The following CCDC73 variants were observed in gnomAD, a reference collection of about 807,000 sequenced individuals.
CCDC73 encodes the protein coiled-coil domain containing 73.
Under a neutral mutation model 116.5 loss-of-function variants are expected in CCDC73, and 95 were observed. The observed-to-expected ratio is 0.82, with a 90% confidence interval of 0.69 to 0.97. The LOEUF is 0.97. CCDC73 is among the 50% of genes least tolerant of loss of function. CCDC73 has a pLI of 0.00. For missense variants in CCDC73, 1,066 were observed against 1,206.8 expected, an observed-to-expected ratio of 0.88 and a Z score of 1.73; for synonymous variants, 398 against 401.3, an observed-to-expected ratio of 0.99 and a Z score of 0.10.
At chr11:32,824,901 T>C in the CCDC73 span, among the ~76,000 whole-genome samples, 1 of 152,122 alleles carries the variant, frequency 6.6e-6, no homozygotes, top group South Asian at 2.1e-4. Context: ...CTGAGCAACA[T>C]GGCAAAACCC....
intron 1 of CCDC73, among the ~76,000 whole-genome samples, chr11:32,792,940 G>A (rs1850690000): frequency 6.6e-6 from 1 of 152,116 alleles, no homozygotes; most frequent in South Asian, 2.1e-4. Context: ...CCAGCCCCTG[G>A]CGTGTAATAA....
intron 9 of CCDC73, among the ~76,000 whole-genome samples, chr11:32,661,939 G>A (rs1855932695): frequency 6.6e-6 from 1 of 151,190 alleles, no homozygotes; most frequent in Admixed American, 6.6e-5. Flanking sequence ...GCAGTGTTTG[G>A]TTTTTTGTCC....
In CCDC73 at chr11:32,698,709, T is replaced by C. The variant is rs1023826231; in HGVS notation, c.390+542A>G. Among the ~76,000 whole-genome samples the C allele has an allele frequency of 1.4e-4, 21 of 152,240 alleles. 1 individual carries two copies. Among genetic ancestry groups the C allele is most frequent in the Non-Finnish European group, 2.2e-4 (15 of 68,036 alleles). On this transcript the variant is annotated intron_variant, in intron 6 of 17. Transcript: ENST00000335185. Reference sequence around the variant, plus strand: ...GACTAAGCTTCACAAGGGCAGAGATTTTTGTCTTGTTTATCATTGCTGTAT... The same window carrying C: ...GACTAAGCTTCACAAGGGCAGAGATCTTTGTCTTGTTTATCATTGCTGTAT...
intron 2 of CCDC73, among the ~76,000 whole-genome samples, chr11:32,759,416 C>A (rs1257460253): frequency 6.6e-6 from 1 of 151,164 alleles, no homozygotes; most frequent in Non-Finnish European, 1.5e-5. Flanking sequence ...CTGCAACCTC[C>A]ACCTCCTGGG....
chr11:32,830,585 C>T, the CCDC73 span: 6 of 1,612,232 alleles, frequency 3.7e-6, no homozygotes, highest in African/African-American at 1.3e-5. Flanking sequence ...CTGGGGTTTC[C>T]TCATTGCGCA....
chr11:32,698,349 C>G (rs1249839512), intron 6 of CCDC73, among the ~76,000 whole-genome samples: 3 of 152,052 alleles, frequency 2.0e-5, no homozygotes, highest in Admixed American at 2.0e-4. Flanking sequence ...TTGAGTCCAG[C>G]CTAGATGTCT....
At chr11:32,615,617 C>T (rs1337886488) in intron 15 of CCDC73, among the ~76,000 whole-genome samples, 1 of 152,122 alleles carries the variant, frequency 6.6e-6, no homozygotes, top group African/African-American at 2.4e-5. Context: ...ACATCTCCAC[C>T]AAGTGGTTGT....
At chr11:32,723,593 A>G (rs1850008064) in intron 2 of CCDC73, among the ~76,000 whole-genome samples, 1 of 152,182 alleles carries the variant, frequency 6.6e-6, no homozygotes, top group African/African-American at 2.4e-5. Flanking sequence ...AGGGTCAAGA[A>G]TTGAAGAGGC....
rs1850532941 is a variant in CCDC73, at chr11:32,776,432, A to C, written c.-15-16174T>G. Among the ~76,000 whole-genome samples, 3 of 152,052 alleles carry C rather than the reference A, an allele frequency of 2.0e-5. No homozygotes were observed. In the South Asian group the frequency reaches 6.2e-4, roughly 32 times the overall value. ...TCAGGGTTCCCCACTTTCTAGTTTC[A>C]TCCCCCTTTTCAACTTTAATCTTCT... On this transcript the variant is annotated intron_variant, in intron 1 of 17. Coordinates refer to ENST00000335185, the MANE Select transcript of CCDC73 (RefSeq NM_001008391.4).
chr11:32,723,021 T>C (rs1182213279), intron 2 of CCDC73, among the ~76,000 whole-genome samples: 2 of 152,144 alleles, frequency 1.3e-5, no homozygotes, highest in Admixed American at 6.5e-5. Context: ...CTTGAAGAGA[T>C]TGTGGATGCT....
intron 15 of CCDC73, 23 bp downstream of exon 15, chr11:32,615,917 T>G: frequency 6.7e-7 from 1 of 1,497,082 alleles, no homozygotes; most frequent in Non-Finnish European, 9.1e-7. Context: ...AATTAGAAAA[T>G]ATCAATATAA....
chr11:32,675,787 A>G (rs1856081985), intron 8 of CCDC73, 99 bp downstream of exon 8: 1 of 1,213,858 alleles, frequency 8.2e-7, no homozygotes. Flanking sequence ...GCCATTTACT[A>G]TTATCAGTAT....
At chr11:32,668,653 T>C (rs1271097803) in intron 9 of CCDC73, among the ~76,000 whole-genome samples, 1 of 152,176 alleles carries the variant, frequency 6.6e-6, no homozygotes, top group Non-Finnish European at 1.5e-5. Context: ...TATGTGTAAG[T>C]ATAGTGACAG....
chr11:32,637,017 CTTTTTT>C (rs71063750), intron 13 of CCDC73, among the ~76,000 whole-genome samples: 14 of 87,960 alleles, frequency 1.6e-4, no homozygotes, highest in Middle Eastern at 8.9e-3. Flanking sequence ...TTTTCTTTTT[CTTTTTT>C]TTTTTTTTTT....
At chr11:32,794,975 C>T (rs1186567690), upstream of CCDC73, among the ~76,000 whole-genome samples, 2 of 151,748 alleles carry the variant, frequency 1.3e-5, no homozygotes, top group Non-Finnish European at 2.9e-5. Flanking sequence ...TGCCATTCTC[C>T]TGCCTCAGCC....
intron 1 of CCDC73, among the ~76,000 whole-genome samples, chr11:32,761,309 T>G (rs7942369): frequency 2.6e-5 from 4 of 151,970 alleles, no homozygotes; most frequent in Non-Finnish European, 4.4e-5. Flanking sequence ...ATGGTATGAA[T>G]GTATTATTTA....
chr11:32,614,355 A>G lies in CCDC73; in HGVS notation c.1963T>C (p.Leu655=), dbSNP rs1855453643. Residue 655 remains leucine (L), a synonymous_variant, in exon 16 of 18, where the codon TTA becomes CTA. Coordinates refer to ENST00000335185, the MANE Select transcript of CCDC73 (RefSeq NM_001008391.4). ...YSLRNSSNVM[L]DDKQCKIKQI... ...TTTATTTTACATTGTTTATCATCTAACATAACATTACTTGAATTCCGTAAA... is the reference window on the plus strand; with the variant it reads ...TTTATTTTACATTGTTTATCATCTAGCATAACATTACTTGAATTCCGTAAA... 1 of 1,611,842 alleles carries G rather than the reference A, an allele frequency of 6.2e-7. No individual in the cohort carries two copies. Among genetic ancestry groups the G allele is most frequent in the African/African-American group, 1.3e-5 (1 of 74,834 alleles).
intron 9 of CCDC73, among the ~76,000 whole-genome samples, chr11:32,671,290 G>A (rs1200708964): frequency 6.6e-6 from 1 of 150,994 alleles, no homozygotes; most frequent in East Asian, 2.0e-4. Context: ...GCTGCTCATA[G>A]ATAGTATCAG....
the CCDC73 span, among the ~76,000 whole-genome samples, chr11:32,800,949 A>T: frequency 6.6e-6 from 1 of 152,222 alleles, no homozygotes; most frequent in Non-Finnish European, 1.5e-5. Context: ...ATTGTCTCAG[A>T]TAATAGGAAG....
Sources: gnomAD v4.1 joint callset for allele counts (sites outside exome capture counted in the v4.1 genomes callset) on GRCh38, gnomAD v4.1.1 for gene constraint, MANE v1.5 for transcripts, NCBI Gene and HGNC (gene_info 2026-07-23, HGNC 2026-07-21) for gene names.